CELSR1: variants seen among roughly 807,000 people sequenced by gnomAD.
CELSR1 encodes the protein adhesion G protein-coupled receptor C1.
A neutral mutation model predicts 249.1 loss-of-function variants in CELSR1; 110 were observed. The observed-to-expected ratio is 0.44, with a 90% confidence interval of 0.38 to 0.52. CELSR1 has a LOEUF of 0.52. Among genes scored for constraint, CELSR1 ranks in the 20% least tolerant of loss-of-function variants. The pLI is 0.00. For synonymous variants in CELSR1, 2,113 were observed against 1,900.0 expected, an observed-to-expected ratio of 1.11 and a Z score of -2.92; for missense variants, 4,109 against 4,296.4, an observed-to-expected ratio of 0.96 and a Z score of 1.22.
chr22:46,362,747 G>C lies in CELSR1; in HGVS notation c.*476C>G, dbSNP rs1299803395. Reference sequence around the variant, plus strand: ...TTCCCACATAGCGAAGTGATTTTAAGACAAGGGGTGCCTTTGCAAAGGACT... The same window carrying C: ...TTCCCACATAGCGAAGTGATTTTAACACAAGGGGTGCCTTTGCAAAGGACT... On this transcript the variant is annotated 3_prime_UTR_variant, in exon 35 of 35. Coordinates refer to ENST00000674500, the MANE Select transcript of CELSR1 (RefSeq NM_001378328.1). 5.3e-6 allele frequency: 1 copy of C among 189,434 alleles called. No homozygotes were observed. The highest frequency in any genetic ancestry group is 1.1e-5 in the Non-Finnish European group (1 of 91,172). 11.7% of individuals were successfully genotyped at this position (189,434 alleles called of 1,614,324 possible).
In CELSR1 at chr22:46,535,647, G is replaced by A. The variant is rs772319543; in HGVS notation, c.1524C>T (p.Tyr508=). The stretch of plus-strand genomic sequence containing the variant: ...CCAGGATCCCGCTCAGCGAGTGCAG[G>A]TAGAACTGGCCGGCCACGTTCCCGC... ...ILSGNVAGQF[Y]LHSLSGILDV... Residue 508 remains tyrosine, a synonymous_variant, in exon 1 of 35, where the codon TAC becomes TAT. Coordinates refer to ENST00000674500, the MANE Select transcript of CELSR1 (RefSeq NM_001378328.1). The A allele has an allele frequency of 1.2e-6, 2 of 1,613,344 alleles. No homozygotes were observed. The highest frequency in any genetic ancestry group is 1.1e-5 in the South Asian group (1 of 91,080).
In CELSR1 at chr22:46,408,581, G is replaced by A. The variant is rs989766796; in HGVS notation, c.5226+415C>T. Among the ~76,000 whole-genome samples, 13 of 152,046 alleles carry A rather than the reference G, an allele frequency of 8.6e-5. No homozygotes were observed. The highest frequency in any genetic ancestry group is 2.9e-4 in the African/African-American group (12 of 41,400). On this transcript the variant is annotated intron_variant, in intron 9 of 34. Coordinates refer to ENST00000674500, the MANE Select transcript of CELSR1 (RefSeq NM_001378328.1). The surrounding 1 kb of genome is among the most constrained non-coding windows in gnomAD (Gnocchi z 4.6). ...AACTTCTGACCTCAGGTGATCCGCCGGCCTCCGCCACCCAAAGTGTTGGGA... is the reference window on the plus strand; with the variant it reads ...AACTTCTGACCTCAGGTGATCCGCCAGCCTCCGCCACCCAAAGTGTTGGGA...
rs1441224693 is a variant in CELSR1, at chr22:46,410,763, G to A, written c.4770-202C>T. Reference sequence around the variant, plus strand: ...CTCCGTTTGCTCACACTTGTGTTCAGTCCTGACGATCTGGGTGTTTCACGC... The same window carrying A: ...CTCCGTTTGCTCACACTTGTGTTCAATCCTGACGATCTGGGTGTTTCACGC... On this transcript the variant is annotated intron_variant, in intron 6 of 34. Coordinates refer to ENST00000674500, the MANE Select transcript of CELSR1 (RefSeq NM_001378328.1). The surrounding 1 kb of genome is among the most constrained non-coding windows in gnomAD (Gnocchi z 6.8). Among the ~76,000 whole-genome samples, 2 of 151,960 alleles carry A rather than the reference G, an allele frequency of 1.3e-5. No individual in the cohort carries two copies. The highest frequency in any genetic ancestry group is 2.9e-5 in the Non-Finnish European group (2 of 67,998).
chr22:46,530,989 G>A (rs557701310), intron 1 of CELSR1, among the ~76,000 whole-genome samples: 1 of 152,242 alleles, frequency 6.6e-6, no homozygotes, highest in South Asian at 2.1e-4. Context: ...TGAAAACAGT[G>A]GATGAGTTTG....
chr22:46,363,884 CAG>C lies in CELSR1; in HGVS notation c.9035+110_9035+111del. 2.2e-6 allele frequency: 3 copies of C among 1,376,976 alleles called. No homozygotes were observed. The highest frequency in any genetic ancestry group is 1.9e-6 in the Non-Finnish European group (2 of 1,046,576). The allele number at this position is 1,376,976 out of a possible 1,614,324, so 85.3% of individuals were successfully genotyped here. On this transcript the variant is annotated intron_variant, in intron 34 of 34. Coordinates refer to ENST00000674500, the MANE Select transcript of CELSR1 (RefSeq NM_001378328.1). This position sits in a 1 kb window ranked among gnomAD's most constrained non-coding sequence, Gnocchi z 4.3. Reference sequence around the variant, plus strand: ...TCCCCGCCTGGGCTTCCTCTGCACTCAGGGCTCCAGGTGAGGTGGGTGTCAGG... The same window carrying C: ...TCCCCGCCTGGGCTTCCTCTGCACTCGGCTCCAGGTGAGGTGGGTGTCAGG...
chr22:46,483,222 G>T (rs1426893559), intron 1 of CELSR1, among the ~76,000 whole-genome samples: 1 of 152,062 alleles, frequency 6.6e-6, no homozygotes, highest in Non-Finnish European at 1.5e-5. Flanking sequence ...GTATGATTTT[G>T]ATTACATTAA....
chr22:46,389,342 C>G lies in CELSR1; in HGVS notation c.6503G>C (p.Ser2168Thr). 6.2e-7 allele frequency: 1 copy of G among 1,610,722 alleles called. No homozygotes were observed. Among genetic ancestry groups the G allele is most frequent in the Non-Finnish European group, 8.5e-7 (1 of 1,179,858 alleles). Residue 2168 changes from serine (S) to threonine (T), a missense_variant, in exon 18 of 35, where the codon AGC becomes ACC. By Grantham distance (58) the Ser-to-Thr change is moderately conservative. Transcript: ENST00000674500. ...QLLGHVLQHE[S>T]WQQGFDLAAT... Reference sequence around the variant, plus strand: ...TGCCAGGTCGAAGCCCTGCTGCCAGCTCTCGTGCTGAAGGACGTGGCCCAG... The same window carrying G: ...TGCCAGGTCGAAGCCCTGCTGCCAGGTCTCGTGCTGAAGGACGTGGCCCAG...
At chr22:46,367,919 T>C in intron 27 of CELSR1, 64 bp from the exon 28 acceptor site, 1 of 1,534,460 alleles carries the variant, frequency 6.5e-7, no homozygotes, top group Non-Finnish European at 8.8e-7. Context: ...TCCCTCCCTC[T>C]CTGCACGTCC....
intron 25 of CELSR1, among the ~76,000 whole-genome samples, chr22:46,372,084 C>T (rs987261449): frequency 6.6e-6 from 1 of 151,770 alleles, no homozygotes; most frequent in African/African-American, 2.4e-5. Flanking sequence ...TCCCATCCCT[C>T]CATCCACCTA....
rs545422870 is a variant in CELSR1, at chr22:46,484,178, C to T, written c.3545-19833G>A. ...GAGAAGGGGAGCTGCTGGGGAGAGC[C>T]GTTACGACGGTGGGGACGGGTCCGA... is the stretch of plus-strand genomic sequence containing the variant. On this transcript the variant is annotated intron_variant, in intron 1 of 34. Transcript: ENST00000674500. The surrounding 1 kb of genome is among the most constrained non-coding windows in gnomAD (Gnocchi z 4.5). 2.6e-5 allele frequency among the ~76,000 whole-genome samples: 4 copies of T among 152,326 alleles called. No homozygotes were observed. Among genetic ancestry groups the T allele is most frequent in the East Asian group, 3.9e-4 (2 of 5,162 alleles).
rs760248718 is a variant in CELSR1 at position 46,536,801 on chromosome 22, C to T, written c.370G>A (p.Gly124Ser). The change falls in exon 1 of 35, where the codon GGT becomes AGT. Residue 124 changes from glycine to serine, a missense_variant. By Grantham distance (56) the Gly-to-Ser change is moderately conservative (BLOSUM62 0). Around this residue, in one of 7 missense-constraint regions of CELSR1, gnomAD observed 673 missense variants for 636.8 expected, o/e 1.06. Coordinates refer to ENST00000674500, the MANE Select transcript of CELSR1 (RefSeq NM_001378328.1). Reference sequence around the variant, plus strand: ...CAGAGCGCCCCGCAGAGCCGGGCACCGGTTCCGCAGAGCCGGGCACGGGCT... The same window carrying T: ...CAGAGCGCCCCGCAGAGCCGGGCACTGGTTCCGCAGAGCCGGGCACGGGCT... ...CGARARLCGT[G>S]ARLCGALCFP... is the part of the protein sequence containing the mutation. 1.0e-3 allele frequency: 1,202 copies of T among 1,194,508 alleles called. 2 individuals are homozygous for T. The highest frequency in any genetic ancestry group is 9.7e-4 in the Non-Finnish European group (934 of 965,596). 74.0% of individuals were successfully genotyped at this position (1,194,508 alleles called of 1,614,324 possible).
In CELSR1 at chr22:46,518,212, G is replaced by A. The variant is rs561160716; in HGVS notation, c.3544+15415C>T. ...GGCGTGAGCCACCACGCCTGGCCTCGGCATCCCCTTTCTAAAGGACATCTC... is the reference window on the plus strand; with the variant it reads ...GGCGTGAGCCACCACGCCTGGCCTCAGCATCCCCTTTCTAAAGGACATCTC... On this transcript the variant is annotated intron_variant, in intron 1 of 34. Transcript: ENST00000674500. The surrounding 1 kb of genome is among the most constrained non-coding windows in gnomAD (Gnocchi z 5.2). Among the ~76,000 whole-genome samples, 4 of 152,124 alleles carry A rather than the reference G, an allele frequency of 2.6e-5. No individual in the cohort carries two copies. The highest frequency in any genetic ancestry group is 4.2e-4 in the South Asian group (2 of 4,814).
rs2080644991 is a variant in CELSR1, at chr22:46,517,902, T to TC, written c.3544+15724dup. Among the ~76,000 whole-genome samples, 1 of 92,230 alleles carries TC rather than the reference T, an allele frequency of 1.1e-5. No individual in the cohort carries two copies. The highest frequency in any genetic ancestry group is 5.9e-4 in the South Asian group (1 of 1,694). The allele number at this position is 92,230 out of a possible 152,430, so 60.5% of individuals were successfully genotyped here. On this transcript the variant is annotated intron_variant, in intron 1 of 34. Coordinates refer to ENST00000674500, the MANE Select transcript of CELSR1 (RefSeq NM_001378328.1). This position sits in a 1 kb window ranked among gnomAD's most constrained non-coding sequence, Gnocchi z 5.4. ...TTACACACCTCCCACGGTGTCCCCTTCCTTTTTTTTTTTTTTTGAGACAGA... is the reference window on the plus strand; with the variant it reads ...TTACACACCTCCCACGGTGTCCCCTTCCCTTTTTTTTTTTTTTTGAGACAGA...
At chr22:46,482,203 C>T (rs988394125) in intron 1 of CELSR1, among the ~76,000 whole-genome samples, 11 of 152,358 alleles carry the variant, frequency 7.2e-5, no homozygotes, top group Admixed American at 3.3e-4. Context: ...CACAGGGGCA[C>T]GGCCGCTCAC....
At position 46,439,304 on chromosome 22, in the gene CELSR1, G is replaced by A. The variant is rs200569320; in HGVS notation, c.4291C>T (p.Pro1431Ser). The A allele has an allele frequency of 9.9e-6, 16 of 1,614,088 alleles. No individual in the cohort carries two copies. In the East Asian group the frequency reaches 1.3e-4, roughly 13 times the overall value. Residue 1431 changes from proline to serine, a missense_variant, in exon 3 of 35, where the codon CCT becomes TCT. Around this residue, in one of 7 missense-constraint regions of CELSR1, gnomAD observed 453 missense variants for 492.0 expected, o/e 0.92. Coordinates refer to ENST00000674500, the MANE Select transcript of CELSR1 (RefSeq NM_001378328.1). ...LLIGGFHCVC[P>S]PGEYERPYCE... ...TAGGGCCTCTCATACTCGCCAGGAG[G>A]ACACACGCAGTGGAAGCCGCCGATG...
rs938226230 is a variant in CELSR1, at chr22:46,445,975, C to T, written c.4184-6564G>A. On this transcript the variant is annotated intron_variant, in intron 2 of 34. Coordinates refer to ENST00000674500, the MANE Select transcript of CELSR1 (RefSeq NM_001378328.1). The surrounding 1 kb of genome is among the most constrained non-coding windows in gnomAD (Gnocchi z 4.4). ...CCTCGCGGCCCCTGCTCCTGCCGCA[C>T]AGCCTCCAGACCTACTTGTCCCTTG... 6.6e-6 allele frequency among the ~76,000 whole-genome samples: 1 copy of T among 152,186 alleles called. No individual in the cohort carries two copies. The highest frequency in any genetic ancestry group is 1.5e-5 in the Non-Finnish European group (1 of 68,024).
In CELSR1 at chr22:46,517,911, T is replaced by TTC. The variant is rs1295296800; in HGVS notation, c.3544+15715_3544+15716insGA. On this transcript the variant is annotated intron_variant, in intron 1 of 34. Coordinates refer to ENST00000674500, the MANE Select transcript of CELSR1 (RefSeq NM_001378328.1). This position sits in a 1 kb window ranked among gnomAD's most constrained non-coding sequence, Gnocchi z 5.4. Reference sequence around the variant, plus strand: ...TCCCACGGTGTCCCCTTCCTTTTTTTTTTTTTTTGAGACAGAGTTTCACTT... The same window carrying TTC: ...TCCCACGGTGTCCCCTTCCTTTTTTTTCTTTTTTTTGAGACAGAGTTTCACTT... 6.6e-6 allele frequency among the ~76,000 whole-genome samples: 1 copy of TTC among 151,118 alleles called. No homozygotes were observed. Among genetic ancestry groups the TTC allele is most frequent in the Non-Finnish European group, 1.5e-5 (1 of 67,732 alleles).
In CELSR1 at chr22:46,410,774, C is replaced by A. The variant is rs1466662763; in HGVS notation, c.4770-213G>T. 1.3e-5 allele frequency among the ~76,000 whole-genome samples: 2 copies of A among 152,016 alleles called. No individual in the cohort carries two copies. Among genetic ancestry groups the A allele is most frequent in the African/African-American group, 4.8e-5 (2 of 41,366 alleles). ...CACACTTGTGTTCAGTCCTGACGAT[C>A]TGGGTGTTTCACGCTCACCAGTGAC... On this transcript the variant is annotated intron_variant, in intron 6 of 34. Coordinates refer to ENST00000674500, the MANE Select transcript of CELSR1 (RefSeq NM_001378328.1). This position sits in a 1 kb window ranked among gnomAD's most constrained non-coding sequence, Gnocchi z 6.8.
In CELSR1 at chr22:46,408,395, G is replaced by A. The variant is rs905645499; in HGVS notation, c.5226+601C>T. On this transcript the variant is annotated intron_variant, in intron 9 of 34. Transcript: ENST00000674500. This position sits in a 1 kb window ranked among gnomAD's most constrained non-coding sequence, Gnocchi z 4.6. The stretch of plus-strand genomic sequence containing the variant: ...CGTCCAGACTGGAGTGTGGTGACAC[G>A]TTCTCGGGTCACTGCAACCTCCGCC... Among the ~76,000 whole-genome samples the A allele has an allele frequency of 3.3e-5, 5 of 152,254 alleles. No homozygotes were observed. Among genetic ancestry groups the A allele is most frequent in the East Asian group, 1.9e-4 (1 of 5,176 alleles).
Sources: allele counts gnomAD v4.1 joint callset (sites outside exome capture counted in the v4.1 genomes callset), GRCh38; gene constraint gnomAD v4.1.1; regional missense constraint gnomAD v4.1.1; non-coding constraint Gnocchi (gnomAD v3.1); transcripts MANE v1.5; gene names NCBI Gene and HGNC (gene_info 2026-07-23, HGNC 2026-07-21).